Variants in RUNX3 observed in about 807,000 individuals in gnomAD.
The protein encoded by RUNX3 is RUNX family transcription factor 3.
In RUNX3, 10 loss-of-function variants were observed where a neutral mutation model predicts 27.7. That is an observed-to-expected ratio of 0.36 (90% CI 0.22 to 0.61). The LOEUF (loss-of-function observed/expected upper bound fraction) is 0.61, where lower values mean the gene tolerates loss of function less well. RUNX3 is among the 20% of genes least tolerant of loss of function. The pLI is 0.72. For synonymous variants in RUNX3, 270 were observed against 269.2 expected, an observed-to-expected ratio of 1.00 and a Z score of -0.03; for missense variants, 469 against 629.5, an observed-to-expected ratio of 0.75 and a Z score of 2.73.
chr1:24,947,262 G>A (rs1641631647), intron 2 of RUNX3, among the ~76,000 whole-genome samples: 1 of 152,134 alleles, frequency 6.6e-6, no homozygotes, highest in South Asian at 2.1e-4. Context: ...TACCCAATGG[G>A]GCAAAGTCCC....
At chr1:24,946,270 A>C (rs1464279657) in intron 2 of RUNX3, among the ~76,000 whole-genome samples, 3 of 152,128 alleles carry the variant, frequency 2.0e-5, no homozygotes, top group Non-Finnish European at 4.4e-5. Flanking sequence ...TGAAGAAGAA[A>C]ATTAAAACCA....
chr1:24,920,299 T>C (rs995274965), intron 2 of RUNX3, among the ~76,000 whole-genome samples: 2 of 152,248 alleles, frequency 1.3e-5, no homozygotes. Context: ...CTTATTTCCT[T>C]AGAAGAGATT....
At chr1:24,957,324 C>A (rs939903549) in intron 2 of RUNX3, among the ~76,000 whole-genome samples, 15 of 151,018 alleles carry the variant, frequency 9.9e-5, no homozygotes, top group Non-Finnish European at 1.2e-4. Flanking sequence ...AATCGTCAGC[C>A]CATTCATTCG....
intron 1 of RUNX3, chr1:24,964,777 AGTGT>A: frequency 1.6e-6 from 2 of 1,274,224 alleles, no homozygotes; most frequent in Non-Finnish European, 2.1e-6. Flanking sequence ...AGAACGCGAG[AGTGT>A]GTGTGAGTGA....
chr1:24,905,634 G>C (rs1308576894), intron 4 of RUNX3, among the ~76,000 whole-genome samples: 1 of 152,226 alleles, frequency 6.6e-6, no homozygotes, highest in African/African-American at 2.4e-5. Context: ...CCCAAGCTGT[G>C]CCCACCCAGC....
chr1:24,902,746 G>A lies in RUNX3; in HGVS notation c.704-80C>T. 2.3e-6 allele frequency: 3 copies of A among 1,287,246 alleles called. No homozygotes were observed. The highest frequency in any genetic ancestry group is 4.9e-5 in the East Asian group (2 of 40,728). 79.7% of individuals were successfully genotyped at this position (1,287,246 alleles called of 1,614,324 possible). ...TTCCTGAAGAATGACCTTGGGCTCT[G>A]GTTCCCAAGGCCCATCTGGGGGACC... On this transcript the variant is annotated intron_variant, in intron 4 of 4. Transcript: ENST00000308873. The surrounding 1 kb of genome is among the most constrained non-coding windows in gnomAD (Gnocchi z 9.2).
At chr1:24,929,287 C>T (rs1054955150) in intron 1 of RUNX3, 3 of 634,212 alleles carry the variant, frequency 4.7e-6, no homozygotes, top group Non-Finnish European at 8.8e-6. Flanking sequence ...CTGAGCGATC[C>T]GGGTTAGGGG....
At position 24,902,390 on chromosome 1, in the gene RUNX3, G is replaced by T; in HGVS notation, c.980C>A (p.Pro327Gln). Residue 327 changes from proline to glutamine, a missense_variant, in exon 5 of 5, where the codon CCG (proline) becomes CAG (glutamine). Transcript: ENST00000308873. This position sits in a 1 kb window ranked among gnomAD's most constrained non-coding sequence, Gnocchi z 9.2. ...CCCGTAGTAGAGGTGGTAGGGGGACGGGTTGGCCTGGAAGGGCCCGCTCTG... is the reference window on the plus strand; with the variant it reads ...CCCGTAGTAGAGGTGGTAGGGGGACTGGTTGGCCTGGAAGGGCCCGCTCTG... Reference protein sequence around the residue: ...QNQSGPFQANPSPYHLYYGTS... With the variant: ...QNQSGPFQANQSPYHLYYGTS... 6.2e-7 allele frequency: 1 copy of T among 1,612,694 alleles called. No homozygotes were observed. Among genetic ancestry groups the T allele is most frequent in the Non-Finnish European group, 8.5e-7 (1 of 1,179,856 alleles).
chr1:24,927,021 T>C lies in RUNX3; in HGVS notation c.439+553A>G, dbSNP rs1352288921. Among the ~76,000 whole-genome samples the C allele has an allele frequency of 1.3e-5, 2 of 151,362 alleles. No individual in the cohort carries two copies. Among genetic ancestry groups the C allele is most frequent in the African/African-American group, 4.9e-5 (2 of 41,112 alleles). ...GACTCTGGGGCAGGAGATGGCAGCC[T>C]TCGAGCTGTGCTTTCCAACATTCAG... is the stretch of plus-strand genomic sequence containing the variant. On this transcript the variant is annotated intron_variant, in intron 2 of 4. Transcript: ENST00000308873. This position sits in a 1 kb window ranked among gnomAD's most constrained non-coding sequence, Gnocchi z 5.0.
chr1:24,955,445 A>C (rs1641891908), intron 2 of RUNX3, among the ~76,000 whole-genome samples: 1 of 152,082 alleles, frequency 6.6e-6, no homozygotes, highest in Non-Finnish European at 1.5e-5. Flanking sequence ...TCATCTCCAC[A>C]ATGGAGGTGG....
chr1:24,955,786 GTC>G (rs1557861514), intron 2 of RUNX3, among the ~76,000 whole-genome samples: 2 of 152,180 alleles, frequency 1.3e-5, no homozygotes, highest in African/African-American at 4.8e-5. Flanking sequence ...TCCTGAGGCA[GTC>G]TCTCTCCACA....
intron 3 of RUNX3, among the ~76,000 whole-genome samples, chr1:24,911,837 C>T (rs1257525455): frequency 6.6e-6 from 1 of 152,240 alleles, no homozygotes; most frequent in African/African-American, 2.4e-5. Flanking sequence ...GGCTGTGGGT[C>T]AGGTAATCTG....
In RUNX3 at chr1:24,916,073, C is replaced by G. The variant is rs1640883310; in HGVS notation, c.544+3167G>C. ...AGGGGAACGACCCGGCCACAGAACC[C>G]ACAGCCGGCCTCAGGGATCTACAGA... On this transcript the variant is annotated intron_variant, in intron 3 of 4. Coordinates refer to ENST00000308873, the MANE Select transcript of RUNX3 (RefSeq NM_004350.3). The surrounding 1 kb of genome is among the most constrained non-coding windows in gnomAD (Gnocchi z 4.8). 6.6e-6 allele frequency among the ~76,000 whole-genome samples: 1 copy of G among 152,224 alleles called. No homozygotes were observed. The highest frequency in any genetic ancestry group is 1.5e-5 in the Non-Finnish European group (1 of 68,040).
intron 2 of RUNX3, among the ~76,000 whole-genome samples, chr1:24,959,122 C>T (rs566192529): frequency 1.3e-5 from 2 of 152,214 alleles, no homozygotes; most frequent in Admixed American, 1.3e-4. Flanking sequence ...ATCCGTCTCC[C>T]GGCCTCCTCC....
rs1640571927 is a variant in RUNX3 at position 24,902,267 on chromosome 1, G to C, written c.1103C>G (p.Ala368Gly). The C allele has an allele frequency of 6.3e-7, 1 of 1,592,670 alleles. No homozygotes were observed. The highest frequency in any genetic ancestry group is 8.5e-7 in the Non-Finnish European group (1 of 1,172,144). The change falls in exon 5 of 5, where the codon GCT becomes GGT. Residue 368 changes from alanine to glycine, a missense_variant. Ala to Gly is a moderately conservative substitution (Grantham distance 60, BLOSUM62 0). Around this residue, in one of 3 missense-constraint regions of RUNX3, gnomAD observed 279 missense variants for 343.0 expected, o/e 0.81. Coordinates refer to ENST00000308873, the MANE Select transcript of RUNX3 (RefSeq NM_004350.3). The surrounding 1 kb of genome is among the most constrained non-coding windows in gnomAD (Gnocchi z 9.2). ...GAGGTTGCCGGCGGCGACAGAGGCA[G>C]CGCTGCTGGTGCAAGAGGCCAGCAT... The part of the protein sequence containing the change: ...TRMLASCTSS[A>G]ASVAAGNLMN...
rs1367446229 is a variant in RUNX3, at chr1:24,962,548, G to A, written c.58+1966C>T. On this transcript the variant is annotated intron_variant, in intron 2 of 6. Transcript: ENST00000338888. The surrounding 1 kb of genome is among the most constrained non-coding windows in gnomAD (Gnocchi z 4.5). ...GACAGGCCCCCATGGCGAGCACGTC[G>A]TGAGCAGAAATGAACAGGAGAGAGA... Among the ~76,000 whole-genome samples the A allele has an allele frequency of 6.6e-6, 1 of 152,206 alleles. No individual in the cohort carries two copies. The highest frequency in any genetic ancestry group is 1.5e-5 in the Non-Finnish European group (1 of 68,038).
intron 2 of RUNX3, among the ~76,000 whole-genome samples, chr1:24,946,071 G>A (rs755811650): frequency 1.7e-4 from 26 of 151,876 alleles, no homozygotes; most frequent in South Asian, 4.1e-4. Context: ...GAATGAATGA[G>A]TGAGTGAATG....
chr1:24,921,797 G>C (rs946534612), intron 2 of RUNX3, among the ~76,000 whole-genome samples: 24 of 152,196 alleles, frequency 1.6e-4, no homozygotes, highest in Non-Finnish European at 2.8e-4. Context: ...CTAGGGGCCA[G>C]ACTGGAGACA....
At chr1:24,908,206 T>TATG (rs1640719104) in intron 3 of RUNX3, among the ~76,000 whole-genome samples, 1 of 146,470 alleles carries the variant, frequency 6.8e-6, no homozygotes, top group Admixed American at 6.7e-5. Flanking sequence ...TCCGAACCTC[T>TATG]ACGACACGCG....
Sources: allele counts gnomAD v4.1 joint callset (sites outside exome capture counted in the v4.1 genomes callset), GRCh38; gene constraint gnomAD v4.1.1; regional missense constraint gnomAD v4.1.1; non-coding constraint Gnocchi (gnomAD v3.1); transcripts MANE v1.5; gene names NCBI Gene and HGNC (gene_info 2026-07-23, HGNC 2026-07-21).